Variants in MSRA observed in about 807,000 individuals in gnomAD.
MSRA encodes mitochondrial peptide methionine sulfoxide reductase.
MSRA carries 54 observed loss-of-function variants against 31.3 expected under a neutral mutation model. The observed-to-expected ratio is 1.73, with a 90% CI of 1.39 to 2.17. MSRA has a LOEUF of 2.17. MSRA is among the 30% of genes most tolerant of loss of function. The pLI is 0.00. For synonymous variants in MSRA, 169 were observed against 116.5 expected, an observed-to-expected ratio of 1.45 and a Z score of -2.90; for missense variants, 507 against 300.9, an observed-to-expected ratio of 1.69 and a Z score of -5.07.
At chr8:10,195,295 C>T (rs1585140343) in intron 1 of MSRA, among the ~76,000 whole-genome samples, 2 of 152,324 alleles carry the variant, frequency 1.3e-5, no homozygotes, top group South Asian at 2.1e-4. Context: ...GGCTTCAGTG[C>T]AGTGGCACAA....
Position 10,054,391 on chromosome 8 carries a change from G to GGCCCC in MSRA, c.-126_-125insGCCCC. 26 of 586,268 alleles carry GGCCCC rather than the reference G, an allele frequency of 4.4e-5. No homozygotes were observed. Among genetic ancestry groups the GGCCCC allele is most frequent in the East Asian group, 1.3e-4 (3 of 22,674 alleles). 36.3% of individuals were successfully genotyped at this position (586,268 alleles called of 1,614,324 possible). On this transcript the variant is annotated 5_prime_UTR_variant, in exon 1 of 6. Transcript: ENST00000317173. The stretch of plus-strand genomic sequence containing the variant: ...TCCAGCCCCGCCAGCAGCGCCCCGC[G>GGCCCC]CCCGCCCGCCCGCGCCCCTGCCGCC...
chr8:10,209,492 G>C (rs79205077), intron 2 of MSRA, among the ~76,000 whole-genome samples: 1 of 152,210 alleles, frequency 6.6e-6, no homozygotes, highest in African/African-American at 2.4e-5. Flanking sequence ...AAATAACAGG[G>C]AATGAGGCTC....
chr8:10,360,257 G>A (rs1447012679), intron 5 of MSRA, among the ~76,000 whole-genome samples: 2 of 152,172 alleles, frequency 1.3e-5, no homozygotes, highest in Non-Finnish European at 2.9e-5. Flanking sequence ...TTGTGCCCAG[G>A]TCCACCAGAT....
chr8:10,119,397 A>G (rs1800938842), intron 1 of MSRA, among the ~76,000 whole-genome samples: 1 of 152,214 alleles, frequency 6.6e-6, no homozygotes, highest in African/African-American at 2.4e-5. Context: ...AGGAGGTAAC[A>G]GAGGACATGT....
intron 3 of MSRA, among the ~76,000 whole-genome samples, chr8:10,291,596 T>C (rs1432516432): frequency 6.6e-6 from 1 of 152,094 alleles, no homozygotes; most frequent in Middle Eastern, 3.2e-3. Flanking sequence ...TCTTACCTCT[T>C]TGTAGTTAAT....
At chr8:10,117,945 A>G (rs576468660) in intron 1 of MSRA, among the ~76,000 whole-genome samples, 1 of 152,354 alleles carries the variant, frequency 6.6e-6, no homozygotes, top group Non-Finnish European at 1.5e-5. Flanking sequence ...GAGATGCTGA[A>G]GGTAGAACAT....
intron 3 of MSRA, among the ~76,000 whole-genome samples, chr8:10,272,674 T>C (rs1799109636): frequency 6.6e-6 from 1 of 152,036 alleles, no homozygotes; most frequent in Non-Finnish European, 1.5e-5. Flanking sequence ...TTACTCGCGC[T>C]TTAAGACTAC....
At chr8:10,176,715 C>G (rs940839258) in intron 1 of MSRA, among the ~76,000 whole-genome samples, 1 of 152,158 alleles carries the variant, frequency 6.6e-6, no homozygotes, top group African/African-American at 2.4e-5. Context: ...ACCAGACTTA[C>G]GAAGTGAACT....
chr8:10,075,630 C>G (rs1358735890), intron 1 of MSRA, among the ~76,000 whole-genome samples: 1 of 152,162 alleles, frequency 6.6e-6, no homozygotes, highest in Non-Finnish European at 1.5e-5. Context: ...GCAGTTTCCC[C>G]AAGGTTGTGT....
chr8:10,296,851 A>G (rs1800570896), intron 3 of MSRA, among the ~76,000 whole-genome samples: 1 of 152,128 alleles, frequency 6.6e-6, no homozygotes, highest in African/African-American at 2.4e-5. Flanking sequence ...CAGGAGGCCA[A>G]CCCTGACAAT....
At chr8:10,398,439 G>T (rs1342651794) in intron 5 of MSRA, among the ~76,000 whole-genome samples, 1 of 152,232 alleles carries the variant, frequency 6.6e-6, no homozygotes, top group Non-Finnish European at 1.5e-5. Flanking sequence ...TGCAGCCTTC[G>T]TTGTGGAAGT....
chr8:10,340,174 G>C (rs564622963), intron 5 of MSRA, among the ~76,000 whole-genome samples: 1 of 152,086 alleles, frequency 6.6e-6, no homozygotes, highest in African/African-American at 2.4e-5. Context: ...AGCAGAGCTC[G>C]GAGACCACAG....
At chr8:10,265,603 T>G (rs1325603275) in intron 3 of MSRA, among the ~76,000 whole-genome samples, 1 of 152,202 alleles carries the variant, frequency 6.6e-6, no homozygotes, top group Non-Finnish European at 1.5e-5. Flanking sequence ...ACAGTTGAAT[T>G]GGGCTGTAAG....
At chr8:10,294,950 G>T (rs1014338725) in intron 3 of MSRA, among the ~76,000 whole-genome samples, 1 of 152,082 alleles carries the variant, frequency 6.6e-6, no homozygotes, top group Non-Finnish European at 1.5e-5. Flanking sequence ...AACCTGGATT[G>T]AATAGAAAGA....
At chr8:10,175,104 C>T (rs1025675774) in intron 1 of MSRA, among the ~76,000 whole-genome samples, 7 of 152,178 alleles carry the variant, frequency 4.6e-5, no homozygotes, top group Non-Finnish European at 1.0e-4. Context: ...CCCTTTCCCA[C>T]AACTTTTCTG....
At chr8:10,292,078 C>A (rs536964056) in intron 3 of MSRA, among the ~76,000 whole-genome samples, 1 of 152,326 alleles carries the variant, frequency 6.6e-6, no homozygotes, top group East Asian at 1.9e-4. Flanking sequence ...GTCGCATTAG[C>A]TGTGTCTAAT....
At chr8:10,240,328 C>T (rs755722028) in intron 2 of MSRA, among the ~76,000 whole-genome samples, 2 of 152,092 alleles carry the variant, frequency 1.3e-5, no homozygotes, top group Admixed American at 6.5e-5. Flanking sequence ...CCTTGGTGAG[C>T]GGGTGTGCAT....
intron 3 of MSRA, among the ~76,000 whole-genome samples, chr8:10,247,141 T>C (rs1797664999): frequency 6.6e-6 from 1 of 152,254 alleles, no homozygotes; most frequent in Non-Finnish European, 1.5e-5. Flanking sequence ...ATAATTGCCA[T>C]GTGTTAAACT....
chr8:10,202,097 G>A (rs1249377012), intron 1 of MSRA, among the ~76,000 whole-genome samples: 2 of 152,242 alleles, frequency 1.3e-5, no homozygotes, highest in African/African-American at 4.8e-5. Flanking sequence ...ATTTGTTTCT[G>A]TGGTGAAACA....
Sources: gnomAD v4.1 joint callset for allele counts (sites outside exome capture counted in the v4.1 genomes callset) on GRCh38, gnomAD v4.1.1 for gene constraint, MANE v1.5 for transcripts, NCBI Gene and HGNC (gene_info 2026-07-23, HGNC 2026-07-21) for gene names.